The following RXRG variants were observed in gnomAD, a reference collection of about 807,000 sequenced individuals.
RXRG encodes the protein retinoic acid receptor RXR-gamma.
RXRG carries 19 observed loss-of-function variants against 49.2 expected under a neutral mutation model. That is an observed-to-expected ratio of 0.39 (90% CI 0.27 to 0.57). The LOEUF (loss-of-function observed/expected upper bound fraction) is 0.57. Among genes scored for constraint, RXRG ranks in the 20% least tolerant of loss-of-function variants. The probability of loss-of-function intolerance (pLI) is 0.64; values close to 1 mark genes in which losing one functional copy is unlikely to be tolerated. For missense variants in RXRG, 452 were observed against 592.5 expected, an observed-to-expected ratio of 0.76 and a Z score of 2.46; for synonymous variants, 224 against 216.6, an observed-to-expected ratio of 1.03 and a Z score of -0.30.
chr1:165,436,106 C>G (rs1326369), intron 1 of RXRG, among the ~76,000 whole-genome samples: 4,264 of 152,302 alleles, frequency 0.028, 90 homozygotes, highest in Admixed American at 0.063. Flanking sequence ...CAGCTTTCCC[C>G]TCACAGAGCT....
At chr1:165,412,849 A>T (rs1657999537) in intron 4 of RXRG, among the ~76,000 whole-genome samples, 1 of 152,014 alleles carries the variant, frequency 6.6e-6, no homozygotes, top group Non-Finnish European at 1.5e-5. Flanking sequence ...TATAATATGT[A>T]TTTTTTATTA....
chr1:165,437,361 G>T (rs546018563), intron 1 of RXRG, among the ~76,000 whole-genome samples: 1 of 152,274 alleles, frequency 6.6e-6, no homozygotes, highest in South Asian at 2.1e-4. Context: ...AAAATATTTG[G>T]AGATTAATTA....
At chr1:165,421,577 TG>T (rs1480263583) in intron 2 of RXRG, among the ~76,000 whole-genome samples, 2 of 150,576 alleles carry the variant, frequency 1.3e-5, no homozygotes, top group African/African-American at 2.4e-5. Flanking sequence ...TTGCCCAGGC[TG>T]GAGTGCAGTG....
intron 2 of RXRG, among the ~76,000 whole-genome samples, chr1:165,422,496 G>A (rs1240596296): frequency 2.0e-5 from 1 of 51,030 alleles, no homozygotes; most frequent in African/African-American, 4.4e-5. Context: ...GAGCTGGGAC[G>A]ACAGCCTTCA....
intron 2 of RXRG, chr1:165,425,012 A>G (rs1658439882): frequency 3.1e-6 from 3 of 970,664 alleles, no homozygotes; most frequent in African/African-American, 3.5e-5. Context: ...GGCAAGCTTA[A>G]TATAGCTCCC....
chr1:165,417,699 A>G (rs1374272914), intron 3 of RXRG, among the ~76,000 whole-genome samples: 1 of 152,224 alleles, frequency 6.6e-6, no homozygotes, highest in Non-Finnish European at 1.5e-5. Flanking sequence ...CTATGAACAG[A>G]ATTCTGAGTT....
At chr1:165,440,147 A>G (rs1658936484) in intron 1 of RXRG, among the ~76,000 whole-genome samples, 1 of 152,244 alleles carries the variant, frequency 6.6e-6, no homozygotes, top group South Asian at 2.1e-4. Context: ...AAGAATTTAC[A>G]GAGTAGTACA....
intron 4 of RXRG, among the ~76,000 whole-genome samples, chr1:165,416,137 T>A (rs1557915120): frequency 1.3e-5 from 2 of 152,124 alleles, no homozygotes; most frequent in Non-Finnish European, 2.9e-5. Flanking sequence ...GAAAAGAAGT[T>A]CCTCAAGAAT....
rs1659120103 is a variant in RXRG, at chr1:165,445,073, A to G, written c.-180T>C. On this transcript the variant is annotated 5_prime_UTR_variant, in exon 1 of 10. Transcript: ENST00000359842. ...TGGGATTAGTCAGGAATCTGCCTCT[A>G]GATCGGAGAGTCCACATAGTGCGTT... 3.2e-6 allele frequency: 2 copies of G among 618,794 alleles called. No individual in the cohort carries two copies. The highest frequency in any genetic ancestry group is 3.7e-5 in the African/African-American group (2 of 54,458). 38.3% of individuals were successfully genotyped at this position (618,794 alleles called of 1,614,324 possible). A position where few individuals can be genotyped will look rare whatever the true frequency, so the allele number is the denominator to read the frequency against.
intron 9 of RXRG, among the ~76,000 whole-genome samples, chr1:165,405,916 T>A (rs1657729381): frequency 6.6e-6 from 1 of 152,220 alleles, no homozygotes. Flanking sequence ...TGATTCAGGA[T>A]AAACAGCTAA....
intron 2 of RXRG, among the ~76,000 whole-genome samples, 186 bp from the exon 3 acceptor site, chr1:165,420,200 G>A (rs1658266331): frequency 6.6e-6 from 1 of 152,136 alleles, no homozygotes; most frequent in South Asian, 2.1e-4. Flanking sequence ...GCCATAGGAG[G>A]AACAAAATTA....
chr1:165,407,914 C>A (rs1657808668), intron 8 of RXRG, among the ~76,000 whole-genome samples: 1 of 151,748 alleles, frequency 6.6e-6, no homozygotes, highest in Non-Finnish European at 1.5e-5. Flanking sequence ...ATTCTATATT[C>A]AATCCATCAG....
At chr1:165,410,028 T>C (rs1276492590) in intron 6 of RXRG, among the ~76,000 whole-genome samples, 1 of 152,140 alleles carries the variant, frequency 6.6e-6, no homozygotes, top group Non-Finnish European at 1.5e-5. Context: ...CCATGGTGGA[T>C]AAAGCTAATA....
chr1:165,428,798 A>T lies in RXRG; in HGVS notation c.218T>A (p.Ile73Asn). The stretch of plus-strand genomic sequence containing the variant: ...TGAGGGTGGGCCCATGGCAGAGGTG[A>T]TGACTCGATATGGAGAGCCCAGGGC... ...LNALGSPYRV[I>N]TSAMGPPSGA... is the part of the protein sequence containing the mutation. Residue 73 changes from isoleucine to asparagine, a missense_variant, in exon 2 of 10, where the codon ATC becomes AAC. Around this residue, in one of 2 missense-constraint regions of RXRG, gnomAD observed 166 missense variants for 151.7 expected, o/e 1.09. Coordinates refer to ENST00000359842, the MANE Select transcript of RXRG (RefSeq NM_006917.5). 7 of 1,613,902 alleles carry T rather than the reference A, an allele frequency of 4.3e-6. No homozygotes were observed. Among genetic ancestry groups the T allele is most frequent in the Non-Finnish European group, 5.1e-6 (6 of 1,179,824 alleles).
chr1:165,401,500 T>C, intron 9 of RXRG, 90 bp from the exon 10 acceptor site: 1 of 1,444,852 alleles, frequency 6.9e-7, no homozygotes. Context: ...ATTGGCCTTC[T>C]CGACCCATCT....
chr1:165,408,162 G>T, intron 8 of RXRG, 65 bp downstream of exon 8: 1 of 1,188,012 alleles, frequency 8.4e-7, no homozygotes, highest in Non-Finnish European at 1.3e-6. Context: ...TAACATGGGA[G>T]CACTGGAGGT....
intron 1 of RXRG, among the ~76,000 whole-genome samples, chr1:165,435,657 T>C (rs1434016877): frequency 6.6e-6 from 1 of 152,234 alleles, no homozygotes; most frequent in Non-Finnish European, 1.5e-5. Context: ...AATGCATTCT[T>C]TTCCTTTTGA....
intron 9 of RXRG, among the ~76,000 whole-genome samples, chr1:165,405,130 GT>G (rs1188866916): frequency 6.6e-6 from 1 of 152,174 alleles, no homozygotes; most frequent in African/African-American, 2.4e-5. Context: ...GTGAGTTGGA[GT>G]TTTTTGTTGG....
At chr1:165,431,039 A>G (rs1351360318) in intron 1 of RXRG, among the ~76,000 whole-genome samples, 3 of 152,054 alleles carry the variant, frequency 2.0e-5, no homozygotes, top group Admixed American at 1.3e-4. Context: ...GTATCACTAT[A>G]TTTGTTTATT....
Sources: allele counts gnomAD v4.1 joint callset (sites outside exome capture counted in the v4.1 genomes callset), GRCh38; gene constraint gnomAD v4.1.1; regional missense constraint gnomAD v4.1.1; transcripts MANE v1.5; gene names NCBI Gene and HGNC (gene_info 2026-07-23, HGNC 2026-07-21).